Variants in CDKL5 observed in about 807,000 individuals in gnomAD.
CDKL5 encodes the protein cyclin-dependent kinase-like 5.
In CDKL5, 8 loss-of-function variants were observed where a neutral mutation model predicts 61.7. The ratio of observed to expected loss-of-function variants is 0.13; its 90% CI spans 0.08 to 0.23. The LOEUF is 0.23. CDKL5 is among the 10% of genes least tolerant of loss of function. CDKL5 has a pLI of 1.00. For missense variants in CDKL5, 440 were observed against 734.5 expected (o/e 0.60, Z 4.63); for synonymous variants, 275 against 272.3 (o/e 1.01, Z -0.10).
At position 18,529,058 on chromosome X, in the gene CDKL5, G is replaced by A. The variant is rs1318082730; in HGVS notation, c.99+18204G>A. ...ATTAATATGAACCATGTTTATAACTGATTTTCTATTTGTTGTACTTACTTT... is the reference window on the plus strand; with the variant it reads ...ATTAATATGAACCATGTTTATAACTAATTTTCTATTTGTTGTACTTACTTT... On this transcript the variant is annotated intron_variant, in intron 3 of 17. Coordinates refer to ENST00000623535, the MANE Select transcript of CDKL5 (RefSeq NM_001323289.2). Among the ~76,000 whole-genome samples the A allele has an allele frequency of 6.5e-5, 7 of 107,854 alleles. No individual in the cohort carries two copies. In the South Asian group the frequency reaches 1.6e-3, roughly 24 times the overall value. The allele number at this position is 107,854 out of a possible 115,157, so 93.7% of individuals were successfully genotyped here. A position where few individuals can be genotyped will look rare whatever the true frequency, so the allele number is the denominator to read the frequency against.
chrX:18,581,234 G>A (rs992125479), intron 6 of CDKL5, among the ~76,000 whole-genome samples: 15 of 111,353 alleles, frequency 1.3e-4, no homozygotes, highest in Non-Finnish European at 2.6e-4. Flanking sequence ...ATACAATTGC[G>A]AGATGCCTCC....
At chrX:18,625,096 C>A in intron 16 of CDKL5, 32 bp from the exon 17 acceptor site, 1 of 1,194,580 alleles carries the variant, frequency 8.4e-7, no homozygotes. Context: ...TCTCAGTGTG[C>A]TTATTGAATG....
Position 18,603,898 on chromosome X carries a change from A to G in CDKL5, c.978-4A>G. On this transcript the variant is annotated splice_region_variant and splice_polypyrimidine_tract_variant and intron_variant, in intron 11 of 17. Transcript: ENST00000623535. ...CTGATATACTTCTTTTGTTTTTAAC[A>G]TAGAAACCAAGCCGGCAAAAGTACT... The G allele has an allele frequency of 8.3e-7, 1 of 1,211,121 alleles. No individual in the cohort carries two copies. The highest frequency in any genetic ancestry group is 1.7e-5 in the African/African-American group (1 of 57,828).
intron 3 of CDKL5, among the ~76,000 whole-genome samples, chrX:18,514,454 C>T (rs986253158): frequency 4.5e-5 from 5 of 111,348 alleles, no homozygotes; most frequent in Non-Finnish European, 9.4e-5. Flanking sequence ...CGCCTGTAAT[C>T]CCAGCACCTT....
At chrX:18,551,935 T>C (rs1449090644) in intron 3 of CDKL5, among the ~76,000 whole-genome samples, 4 of 109,567 alleles carry the variant, frequency 3.7e-5, no homozygotes, top group African/African-American at 1.0e-4. Context: ...ATATGTCTCC[T>C]AGGGAATCTG....
At chrX:18,509,192 A>AACACACAC (rs1183838846) in intron 2 of CDKL5, among the ~76,000 whole-genome samples, 20 of 45,002 alleles carry the variant, frequency 4.4e-4, no homozygotes, top group Non-Finnish European at 7.6e-4. Flanking sequence ...ACTGTCTCAA[A>AACACACAC]ACACGCACAC....
intron 1 of CDKL5, among the ~76,000 whole-genome samples, chrX:18,495,538 T>A (rs1453409482): frequency 8.9e-6 from 1 of 112,201 alleles, no homozygotes; most frequent in Non-Finnish European, 1.9e-5. Context: ...GTTAGAATCT[T>A]CACTTTAGTA....
intron 4 of CDKL5, among the ~76,000 whole-genome samples, chrX:18,574,482 G>A (rs1220025666): frequency 9.0e-6 from 1 of 111,038 alleles, no homozygotes; most frequent in Non-Finnish European, 1.9e-5. Flanking sequence ...AGGATTTCCC[G>A]GGTAAATCTA....
chrX:18,650,110 A>G (rs762272781), intron 20 of CDKL5: 1 of 364,821 alleles, frequency 2.7e-6, no homozygotes, highest in East Asian at 5.0e-5. Flanking sequence ...TCCCCTTCAC[A>G]TCTCTTTTGC....
intron 15 of CDKL5, among the ~76,000 whole-genome samples, chrX:18,617,417 G>A (rs1030263752): frequency 2.7e-5 from 3 of 112,187 alleles, no homozygotes; most frequent in Admixed American, 1.9e-4. Flanking sequence ...CGAAGCTGCT[G>A]TCTTCCAGGT....
At chrX:18,599,462 GT>G (rs1024745295) in intron 11 of CDKL5, among the ~76,000 whole-genome samples, 53 of 112,020 alleles carry the variant, frequency 4.7e-4, no homozygotes, top group Non-Finnish European at 8.1e-4. Flanking sequence ...TTATTTTTTA[GT>G]TTTTTTAGAG....
At chrX:18,507,289 A>G in intron 2 of CDKL5, 129 bp downstream of exon 2, 1 of 458,891 alleles carries the variant, frequency 2.2e-6, no homozygotes. Flanking sequence ...CTAAGAGTAA[A>G]ATATTAAAAA....
chrX:18,591,215 T>G (rs1396967035), intron 9 of CDKL5, among the ~76,000 whole-genome samples: 1 of 112,067 alleles, frequency 8.9e-6, no homozygotes, highest in Admixed American at 9.5e-5. Context: ...TTATTTTGTC[T>G]GTTTCTTTAC....
At chrX:18,455,504 G>C (rs776780439) in intron 1 of CDKL5, among the ~76,000 whole-genome samples, 1 of 112,677 alleles carries the variant, frequency 8.9e-6, no homozygotes, top group African/African-American at 3.2e-5. Flanking sequence ...AAAAACATTT[G>C]TACTGATGGC....
At chrX:18,529,334 C>T (rs949232796) in intron 3 of CDKL5, among the ~76,000 whole-genome samples, 2 of 109,728 alleles carry the variant, frequency 1.8e-5, no homozygotes, top group East Asian at 2.8e-4. Flanking sequence ...TCCCTTATAA[C>T]GTTACTATTA....
At chrX:18,560,000 A>G (rs1340589964) in intron 3 of CDKL5, among the ~76,000 whole-genome samples, 1 of 107,486 alleles carries the variant, frequency 9.3e-6, no homozygotes, top group Non-Finnish European at 1.9e-5. Context: ...TCCATGGTGT[A>G]TATGTGCCAC....
chrX:18,600,331 A>G (rs750142591), intron 11 of CDKL5, among the ~76,000 whole-genome samples: 1 of 111,966 alleles, frequency 8.9e-6, no homozygotes, highest in East Asian at 2.8e-4. Flanking sequence ...GTTTGTTGCC[A>G]TGAAATTTTT....
intron 3 of CDKL5, among the ~76,000 whole-genome samples, chrX:18,552,751 T>C (rs1263903232): frequency 9.1e-6 from 1 of 110,339 alleles, no homozygotes; most frequent in African/African-American, 3.3e-5. Flanking sequence ...GAGGGTTGAG[T>C]GGGCAAGGGA....
Position 18,458,528 on chromosome X carries a change from G to A in CDKL5, c.-163+32833G>A, listed in dbSNP as rs182085601. On this transcript the variant is annotated intron_variant, in intron 1 of 17. Transcript: ENST00000623535. ...CTTGGGCAACATGGTGAAACTCTGT[G>A]TCTACAAAAAATCCCCCCCCACCCC... 4.0e-3 allele frequency among the ~76,000 whole-genome samples: 446 copies of A among 111,069 alleles called. 2 individuals carry two copies. The highest frequency in any genetic ancestry group is 0.014 in the African/African-American group (434 of 30,674).
Sources: allele counts gnomAD v4.1 joint callset (sites outside exome capture counted in the v4.1 genomes callset), GRCh38; gene constraint gnomAD v4.1.1; transcripts MANE v1.5; gene names NCBI Gene and HGNC (gene_info 2026-07-23, HGNC 2026-07-21).